Variants in SAXO1 observed in about 807,000 individuals in gnomAD.
The protein encoded by SAXO1 is stabilizer of axonemal microtubules 1.
A neutral mutation model predicts 17.5 loss-of-function variants in SAXO1; 21 were observed. The observed-to-expected ratio is 1.20, with a 90% CI of 0.85 to 1.72. The LOEUF is 1.72. Ranked by LOEUF, SAXO1 falls within the 40% of genes most tolerant of loss-of-function variation. SAXO1 has a pLI of 0.00. For synonymous variants in SAXO1, 274 were observed against 216.5 expected (o/e 1.27, Z -2.33); for missense variants, 843 against 596.0 (o/e 1.41, Z -4.32).
At chr9:19,034,585 C>A (rs943975904), upstream of SAXO1, among the ~76,000 whole-genome samples, 1 of 152,106 alleles carries the variant, frequency 6.6e-6, no homozygotes, top group African/African-American at 2.4e-5. Context: ...AGAGTTCCAA[C>A]CCCAGTTATA....
chr9:18,959,808 G>A lies in SAXO1; in HGVS notation c.39-8871C>T, dbSNP rs551556887. ...AAAAAAGATTCCAGGTGTGTACAGC[G>A]TACTCTAGGGAGTGTGCTGAAGGGG... On this transcript the variant is annotated intron_variant, in intron 1 of 3. Transcript: ENST00000380534. Among the ~76,000 whole-genome samples the A allele has an allele frequency of 1.6e-4, 24 of 151,910 alleles. No individual in the cohort carries two copies. The East Asian group carries it at 3.1e-3, about 20-fold the overall frequency.
At chr9:18,993,804 C>T (rs1273904648) in intron 1 of SAXO1, among the ~76,000 whole-genome samples, 1 of 152,094 alleles carries the variant, frequency 6.6e-6, no homozygotes, top group African/African-American at 2.4e-5. Flanking sequence ...TTAAAGTCAC[C>T]CTATGCCATC....
At chr9:18,987,050 A>C (rs1366622463) in intron 1 of SAXO1, among the ~76,000 whole-genome samples, 3 of 152,230 alleles carry the variant, frequency 2.0e-5, no homozygotes, top group Non-Finnish European at 1.5e-5. Flanking sequence ...CATTGAATCA[A>C]CTTTTCAACC....
At chr9:18,983,114 G>C (rs1301013878) in intron 1 of SAXO1, among the ~76,000 whole-genome samples, 1 of 152,150 alleles carries the variant, frequency 6.6e-6, no homozygotes, top group Non-Finnish European at 1.5e-5. Context: ...AAAATACAAA[G>C]TGTATTAGTC....
intron 1 of SAXO1, among the ~76,000 whole-genome samples, chr9:19,043,464 G>A (rs768158167): frequency 4.0e-5 from 6 of 151,746 alleles, no homozygotes; most frequent in Non-Finnish European, 7.4e-5. Flanking sequence ...TAGTTAGAAA[G>A]AAGGAGTAAG....
intron 1 of SAXO1, among the ~76,000 whole-genome samples, chr9:19,006,809 G>A (rs527536281): frequency 2.2e-4 from 33 of 152,304 alleles, no homozygotes; most frequent in South Asian, 1.7e-3. Context: ...CCTCTGGGAG[G>A]CTGAGGCAGG....
rs781143529 is a variant in SAXO1, at chr9:18,929,200, T to C, written c.422-145A>G. ...GAACAGAGCACATCCCTGCTACCAC[T>C]TCATTCAAACACCTGATGTGTCAAC... is the stretch of plus-strand genomic sequence containing the variant. On this transcript the variant is annotated intron_variant, in intron 3 of 3. Coordinates refer to ENST00000380534, the MANE Select transcript of SAXO1 (RefSeq NM_153707.4). 41 of 927,064 alleles carry C rather than the reference T, an allele frequency of 4.4e-5. No individual in the cohort carries two copies. In the African/African-American group the frequency reaches 5.7e-4, roughly 13 times the overall value. 57.4% of individuals were successfully genotyped at this position (927,064 alleles called of 1,614,324 possible).
intron 1 of SAXO1, among the ~76,000 whole-genome samples, chr9:19,014,658 G>C (rs1187678987): frequency 6.6e-6 from 1 of 152,060 alleles, no homozygotes; most frequent in Non-Finnish European, 1.5e-5. Flanking sequence ...TTTGTCAGTG[G>C]ATAGGATCTT....
intron 1 of SAXO1, among the ~76,000 whole-genome samples, chr9:18,990,626 G>A (rs1026311220): frequency 2.0e-5 from 3 of 152,190 alleles, no homozygotes; most frequent in African/African-American, 7.2e-5. Flanking sequence ...AGCCTGTTAG[G>A]AACCAGGCTG....
At chr9:18,978,930 T>C (rs555926636) in intron 1 of SAXO1, among the ~76,000 whole-genome samples, 44 of 152,264 alleles carry the variant, frequency 2.9e-4, no homozygotes, top group Non-Finnish European at 5.1e-4. Context: ...TTTACTCCAG[T>C]TGAAAAATAA....
upstream of SAXO1, among the ~76,000 whole-genome samples, chr9:19,033,417 T>C (rs1439594230): frequency 4.6e-5 from 7 of 152,240 alleles, no homozygotes; most frequent in Admixed American, 4.6e-4. Flanking sequence ...AGAAAGCTCC[T>C]GGTGCAGTAA....
At chr9:18,949,141 A>T (rs1051967647) in intron 2 of SAXO1, among the ~76,000 whole-genome samples, 1 of 152,246 alleles carries the variant, frequency 6.6e-6, no homozygotes, top group Non-Finnish European at 1.5e-5. Context: ...ATATTGTTTA[A>T]TAAGTCATAG....
chr9:18,990,449 T>C (rs1254550153), intron 1 of SAXO1, among the ~76,000 whole-genome samples: 1 of 152,198 alleles, frequency 6.6e-6, no homozygotes, highest in Non-Finnish European at 1.5e-5. Flanking sequence ...CTTATGCCTA[T>C]AATCCCAGAA....
intron 1 of SAXO1, among the ~76,000 whole-genome samples, chr9:19,019,251 G>A (rs185751645): frequency 7.9e-5 from 12 of 152,180 alleles, no homozygotes; most frequent in African/African-American, 2.4e-4. Flanking sequence ...TAAAATAAAT[G>A]CTCTTCTTTG....
chr9:18,947,828 T>C (rs1831860053), intron 2 of SAXO1: 1 of 152,172 alleles, frequency 6.6e-6, no homozygotes, highest in African/African-American at 2.4e-5. Context: ...TCCCCAAGAT[T>C]TATGGTCAGT....
At chr9:19,016,785 A>G (rs1167998196) in intron 1 of SAXO1, among the ~76,000 whole-genome samples, 1 of 142,808 alleles carries the variant, frequency 7.0e-6, no homozygotes, top group African/African-American at 2.6e-5. Flanking sequence ...TCTTTTAACT[A>G]TCTAACATCT....
intron 1 of SAXO1, among the ~76,000 whole-genome samples, chr9:18,962,128 C>T (rs7033648): frequency 0.18 from 26,642 of 152,016 alleles, 5,185 homozygotes; most frequent in African/African-American, 0.49. Flanking sequence ...AGTGTAATGG[C>T]GTAATCACTG....
chr9:19,036,631 G>A (rs1835947567), upstream of SAXO1, among the ~76,000 whole-genome samples: 1 of 152,182 alleles, frequency 6.6e-6, no homozygotes, highest in Non-Finnish European at 1.5e-5. Context: ...TGTTAAGCCT[G>A]TGAGTGCACA....
intron 1 of SAXO1, among the ~76,000 whole-genome samples, chr9:18,991,844 A>G (rs997731368): frequency 6.6e-6 from 1 of 152,180 alleles, no homozygotes; most frequent in Non-Finnish European, 1.5e-5. Context: ...CTGGTGCCAG[A>G]AAGTTGGAGG....
Sources: gnomAD v4.1 joint callset for allele counts (sites outside exome capture counted in the v4.1 genomes callset) on GRCh38, gnomAD v4.1.1 for gene constraint, MANE v1.5 for transcripts, NCBI Gene and HGNC (gene_info 2026-07-23, HGNC 2026-07-21) for gene names.